The following PSMB8 variants were observed in gnomAD, a reference collection of about 807,000 sequenced individuals.
PSMB8 encodes proteasome subunit beta type-8.
Under a neutral mutation model 32.3 loss-of-function variants are expected in PSMB8, and 20 were observed. The observed-to-expected ratio is 0.62, with a 90% CI of 0.44 to 0.90. The LOEUF (loss-of-function observed/expected upper bound fraction) is 0.90. Among genes scored for constraint, PSMB8 ranks in the 40% least tolerant of loss-of-function variants. The pLI, the probability that PSMB8 is intolerant of heterozygous loss-of-function variation, is 0.00. For missense variants in PSMB8, 342 were observed against 365.4 expected, an observed-to-expected ratio of 0.94 and a Z score of 0.52; for synonymous variants, 131 against 135.4, an observed-to-expected ratio of 0.97 and a Z score of 0.23.
At chr6:32,844,530 A>G (rs1405843656), upstream of PSMB8, 2 of 1,281,722 alleles carry the variant, frequency 1.6e-6, no homozygotes, top group Non-Finnish European at 2.2e-6. Context: ...CGCCAGGGAG[A>G]GGGCGCAGTC....
At position 32,842,193 on chromosome 6, in the gene PSMB8, A is replaced by C; in HGVS notation, c.478T>G (p.Cys160Gly). 1 of 1,613,156 alleles carries C rather than the reference A, an allele frequency of 6.2e-7. No individual in the cohort carries two copies. Among genetic ancestry groups the C allele is most frequent in the Non-Finnish European group, 8.5e-7 (1 of 1,180,044 alleles). Reference protein sequence around the residue: ...AASKLLSNMMCQYRGMGLSMG... With the variant: ...AASKLLSNMMGQYRGMGLSMG... ...GAGAGGCCCATGCCCCGGTACTGGC[A>C]CATCATGTTGGACAGCAGCTTGGAG... Residue 160 changes from cysteine to glycine, a missense_variant, in exon 4 of 6, where the codon TGC becomes GGC. By Grantham distance (159) the Cys-to-Gly change is radical. Transcript: ENST00000374882.
chr6:32,841,452 G>T, intron 5 of PSMB8, 79 bp downstream of exon 5: 1 of 1,436,222 alleles, frequency 7.0e-7, no homozygotes. Flanking sequence ...TGGCCAGGCT[G>T]GTTTCTCAAT....
chr6:32,843,072 C>A lies in PSMB8; in HGVS notation c.165G>T (p.Gln55His). The change falls in exon 2 of 6, where the codon CAG (glutamine) becomes CAT (histidine). Residue 55 changes from glutamine (Q) to histidine (H), a missense_variant. By Grantham distance (24) the Gln-to-His change is conservative. Transcript: ENST00000374882. ...PRGMQPTEFFQSLGGDGERNV... is the reference protein window; with the variant it reads ...PRGMQPTEFFHSLGGDGERNV... ...TCCTTTCTCCGTCCCCACCCAGGGA[C>A]TGGAAGAATTCTGTGGGCTGATAAG... is the stretch of plus-strand genomic sequence containing the variant. 1.2e-6 allele frequency: 2 copies of A among 1,612,968 alleles called. No homozygotes were observed. The highest frequency in any genetic ancestry group is 8.5e-7 in the Non-Finnish European group (1 of 1,180,034).
At chr6:32,843,803 C>A in intron 1 of PSMB8, 47 bp downstream of exon 1, 1 of 1,608,220 alleles carries the variant, frequency 6.2e-7, no homozygotes, top group Non-Finnish European at 8.5e-7. Flanking sequence ...CTCCACTCCT[C>A]AGCGCCCGCC....
intron 1 of PSMB8, 124 bp downstream of exon 1, chr6:32,843,726 G>C (rs1770090444): frequency 2.5e-6 from 3 of 1,200,342 alleles, no homozygotes; most frequent in East Asian, 2.4e-5. Flanking sequence ...GGCGCTCTCC[G>C]GGACTGAAGG....
At position 32,842,276 on chromosome 6, in the gene PSMB8, A is replaced by T; in HGVS notation, c.408-13T>A. On this transcript the variant is annotated splice_polypyrimidine_tract_variant and intron_variant, in intron 3 of 5. Transcript: ENST00000374882. ...CAGATAGTACAGCCTGGGTGAGGACAAGGTGGAGTGAGGAAAGAGAGGTTA... is the reference window on the plus strand; with the variant it reads ...CAGATAGTACAGCCTGGGTGAGGACTAGGTGGAGTGAGGAAAGAGAGGTTA... 6.2e-7 allele frequency: 1 copy of T among 1,613,060 alleles called. No homozygotes were observed. Among genetic ancestry groups the T allele is most frequent in the South Asian group, 1.1e-5 (1 of 91,088 alleles).
chr6:32,844,196 G>T, upstream of PSMB8: 2 of 1,562,484 alleles, frequency 1.3e-6, no homozygotes, highest in Non-Finnish European at 1.7e-6. Flanking sequence ...GGGGAATGAT[G>T]GGTCAAGGGT....
upstream of PSMB8, chr6:32,844,163 C>T: frequency 2.0e-6 from 3 of 1,522,586 alleles, no homozygotes; most frequent in South Asian, 3.6e-5. Context: ...ACCGGCTTCT[C>T]TGCTCTCCCG....
In PSMB8 at chr6:32,843,991, C is replaced by G; in HGVS notation, c.6G>C (p.Ala2=). 2 of 1,611,346 alleles carry G rather than the reference C, an allele frequency of 1.2e-6. No individual in the cohort carries two copies. The highest frequency in any genetic ancestry group is 8.5e-7 in the Non-Finnish European group (1 of 1,179,200). Residue 2 remains alanine, a synonymous_variant, in exon 1 of 6, where the codon GCG becomes GCC. Coordinates refer to ENST00000374882, the MANE Select transcript of PSMB8 (RefSeq NM_148919.4). ...GGGGGGCTCCGCATACATCTAGTAG[C>G]GCCATGACCGCCCAGCACCCAGAGA... M[A]LLDVCGAPRG... is the part of the protein sequence containing the mutation.
At position 32,842,942 on chromosome 6, in the gene PSMB8, T is replaced by C. The variant is rs1381795628; in HGVS notation, c.295A>G (p.Ser99Gly). 1 of 1,613,670 alleles carries C rather than the reference T, an allele frequency of 6.2e-7. No homozygotes were observed. The highest frequency in any genetic ancestry group is 8.5e-7 in the Non-Finnish European group (1 of 1,180,036). Residue 99 changes from serine to glycine, a missense_variant and splice_region_variant, in exon 2 of 6, where the codon AGT (serine) becomes GGT (glycine). By Grantham distance (56) the Ser-to-Gly change is moderately conservative (BLOSUM62 0). Transcript: ENST00000374882. The part of the protein sequence containing the change: ...DSRASAGSYI[S>G]ALRVNKVIEI... ...TGCCTGCTGGAGCGTATACACTCACTAATGTAGGACCCAGCTGAGGCCCGA... is the reference window on the plus strand; with the variant it reads ...TGCCTGCTGGAGCGTATACACTCACCAATGTAGGACCCAGCTGAGGCCCGA...
At position 32,842,170 on chromosome 6, in the gene PSMB8, G is replaced by C; in HGVS notation, c.501C>G (p.Leu167=). The C allele has an allele frequency of 6.2e-7, 1 of 1,613,160 alleles. No individual in the cohort carries two copies. Among genetic ancestry groups the C allele is most frequent in the Non-Finnish European group, 8.5e-7 (1 of 1,180,050 alleles). The change falls in exon 4 of 6, where the codon CTC becomes CTG. Residue 167 remains leucine (L), a synonymous_variant. Transcript: ENST00000374882. ...AGCCACAGATCATACTGCCCATAGA[G>C]AGGCCCATGCCCCGGTACTGGCACA... ...NMMCQYRGMG[L]SMGSMICGWD... is the part of the protein sequence containing the mutation.
At chr6:32,844,236 G>A, upstream of PSMB8, 1 of 1,610,222 alleles carries the variant, frequency 6.2e-7, no homozygotes, top group Non-Finnish European at 8.5e-7. Context: ...AGGAACAGGC[G>A]CCTTCAAAAG....
upstream of PSMB8, chr6:32,844,652 C>T (rs1332675249): frequency 3.6e-6 from 2 of 557,132 alleles, no homozygotes; most frequent in African/African-American, 3.8e-5. Context: ...TAGCGTTGCT[C>T]CCTGCTTGGC....
At chr6:32,844,470 T>A, upstream of PSMB8, 1 of 1,604,126 alleles carries the variant, frequency 6.2e-7, no homozygotes, top group Non-Finnish European at 8.5e-7. Flanking sequence ...TGGAAACAGG[T>A]CCTGGGCCAA....
intron 2 of PSMB8, 49 bp from the exon 3 acceptor site, chr6:32,842,832 C>T (rs1489019032): frequency 3.7e-6 from 6 of 1,607,164 alleles, no homozygotes; most frequent in Non-Finnish European, 5.1e-6. Flanking sequence ...CCATAGATCC[C>T]CCAGTGTGTC....
Position 32,843,936 on chromosome 6 carries a change from C to T in PSMB8, c.61G>A (p.Val21Ile), listed in dbSNP as rs1394963560. 6.2e-7 allele frequency: 1 copy of T among 1,612,754 alleles called. No homozygotes were observed. The highest frequency in any genetic ancestry group is 1.7e-5 in the Admixed American group (1 of 60,018). The change falls in exon 1 of 6, where the codon GTT becomes ATT. Residue 21 changes from valine (V) to isoleucine (I), a missense_variant. Transcript: ENST00000374882. The part of the protein sequence containing the change: ...RGQRPESALP[V>I]AGSGRRSDPG... The stretch of plus-strand genomic sequence containing the variant: ...TCCGAGCGACGCCCGCTTCCCGCAA[C>T]CGGGAGAGCCGATTCCGGCCGCTGC...
chr6:32,843,893 A>G lies in PSMB8; in HGVS notation c.104T>C (p.Phe35Ser), dbSNP rs374038167. The stretch of plus-strand genomic sequence containing the variant: ...AGCGAGCTCTGGAGATCGCATAGAG[A>G]AACTGTAGTGTCCTGGGTCCGAGCG... ...GRRSDPGHYS[F>S]SMRSPELALP... The change falls in exon 1 of 6, where the codon TTC (phenylalanine) becomes TCC (serine). Residue 35 changes from phenylalanine (F) to serine (S), a missense_variant. Physicochemically the swap from Phe to Ser is radical, Grantham distance 155. Transcript: ENST00000374882. The G allele has an allele frequency of 6.2e-7, 1 of 1,612,580 alleles. No homozygotes were observed. The highest frequency in any genetic ancestry group is 1.3e-5 in the African/African-American group (1 of 74,800).
intron 3 of PSMB8, 120 bp downstream of exon 3, chr6:32,842,552 T>G: frequency 9.8e-7 from 1 of 1,023,190 alleles, no homozygotes; most frequent in Non-Finnish European, 1.5e-6. Flanking sequence ...AAAAGCTGTT[T>G]TGTGAAATAT....
chr6:32,844,026 T>C lies in PSMB8; in HGVS notation c.-30A>G. On this transcript the variant is annotated 5_prime_UTR_variant, in exon 1 of 6. Transcript: ENST00000374882. ...GCCCAGCACCCAGAGATCTGTCCGC[T>C]CTCGGAGGAGGAAGTGAAAGCGAAA... 1.2e-6 allele frequency: 2 copies of C among 1,602,488 alleles called. No homozygotes were observed. Among genetic ancestry groups the C allele is most frequent in the Non-Finnish European group, 8.5e-7 (1 of 1,173,146 alleles).
Sources: gnomAD v4.1 joint callset for allele counts on GRCh38, gnomAD v4.1.1 for gene constraint, MANE v1.5 for transcripts, NCBI Gene and HGNC (gene_info 2026-07-23, HGNC 2026-07-21) for gene names.